The following MEGF6 variants were observed in gnomAD, a reference collection of about 807,000 sequenced individuals.
MEGF6 encodes multiple EGF like domains 6.
Under a neutral mutation model 207.1 loss-of-function variants are expected in MEGF6, and 184 were observed. The ratio of observed to expected loss-of-function variants is 0.89; its 90% CI spans 0.79 to 1.00. The LOEUF is 1.00. Ranked by LOEUF, MEGF6 falls within the 50% of genes least tolerant of loss-of-function variation. MEGF6 has a pLI of 0.00. For missense variants in MEGF6, 2,282 were observed against 2,202.9 expected, an observed-to-expected ratio of 1.04 and a Z score of -0.72; for synonymous variants, 1,038 against 910.0, an observed-to-expected ratio of 1.14 and a Z score of -2.53.
chr1:3,559,157 G>T (rs1643117751), intron 4 of MEGF6, among the ~76,000 whole-genome samples: 1 of 152,236 alleles, frequency 6.6e-6, no homozygotes, highest in South Asian at 2.1e-4. Flanking sequence ...CTGCAAGGTG[G>T]TTGGAGGAGG....
chr1:3,619,230 A>G, the MEGF6 span, among the ~76,000 whole-genome samples: 3 of 152,220 alleles, frequency 2.0e-5, no homozygotes, highest in Admixed American at 1.3e-4. Context: ...CAAAGCCCCA[A>G]GAAATACACA....
intron 26 of MEGF6, chr1:3,497,593 G>A (rs1416352447): frequency 5.8e-6 from 4 of 693,516 alleles, no homozygotes; most frequent in Non-Finnish European, 1.0e-5. Context: ...GCCCCTCACA[G>A]TGAGGCCCGA....
intron 26 of MEGF6, 65 bp from the exon 27 acceptor site, chr1:3,497,426 A>G: frequency 6.9e-7 from 1 of 1,458,162 alleles, no homozygotes; most frequent in Middle Eastern, 1.8e-4. Context: ...GGGCCAGGAC[A>G]GGCCGGGAGC....
chr1:3,559,855 C>CA (rs1241087571), intron 4 of MEGF6, among the ~76,000 whole-genome samples: 2 of 151,850 alleles, frequency 1.3e-5, no homozygotes, highest in Non-Finnish European at 2.9e-5. Flanking sequence ...ACTAAAAATA[C>CA]AAAAAATTAG....
At chr1:3,605,411 C>A (rs1402701511) in intron 1 of MEGF6, among the ~76,000 whole-genome samples, 1 of 151,930 alleles carries the variant, frequency 6.6e-6, no homozygotes, top group Non-Finnish European at 1.5e-5. Context: ...ATACACACAA[C>A]TCACAATCAC....
chr1:3,543,897 C>T (rs59176181), intron 4 of MEGF6, among the ~76,000 whole-genome samples: 18,215 of 152,280 alleles, frequency 0.12, 1,399 homozygotes, highest in African/African-American at 0.21. Flanking sequence ...ACCTGCCGTG[C>T]CTGGACGCCC....
intron 1 of MEGF6, among the ~76,000 whole-genome samples, chr1:3,605,872 C>G (rs1377994125): frequency 6.6e-6 from 1 of 152,216 alleles, no homozygotes; most frequent in East Asian, 1.9e-4. Flanking sequence ...CCCACTCTCT[C>G]CAGGTTCCAG....
rs958497569 is a variant in MEGF6, at chr1:3,605,668, TCACA to T, written c.132-3072_132-3069del. ...CTCTCACGCATGCAAGCTCACAAAC[TCACA>T]CACACTCGCACACACATATGCACTC... On this transcript the variant is annotated intron_variant, in intron 1 of 36. Transcript: ENST00000356575. Among the ~76,000 whole-genome samples the T allele has an allele frequency of 7.3e-3, 312 of 42,564 alleles. 2 individuals carry two copies. The highest frequency in any genetic ancestry group is 0.013 in the Middle Eastern group (1 of 80). 27.9% of individuals were successfully genotyped at this position (42,564 alleles called of 152,430 possible).
chr1:3,522,369 G>C (rs1242444717), intron 5 of MEGF6, among the ~76,000 whole-genome samples: 3 of 152,186 alleles, frequency 2.0e-5, no homozygotes, highest in African/African-American at 4.8e-5. Flanking sequence ...CACCCTGAGG[G>C]GGTGACAGCC....
At chr1:3,536,909 C>G (rs1642348255) in intron 4 of MEGF6, among the ~76,000 whole-genome samples, 1 of 152,272 alleles carries the variant, frequency 6.6e-6, no homozygotes, top group African/African-American at 2.4e-5. Context: ...CTGTGTGTGT[C>G]TGTCCCTCAG....
intron 3 of MEGF6, among the ~76,000 whole-genome samples, chr1:3,589,373 C>A (rs200077531): frequency 1.3e-5 from 2 of 152,114 alleles, no homozygotes; most frequent in East Asian, 1.9e-4. Flanking sequence ...CTGCGCCCCC[C>A]ACCCCACGCC....
intron 2 of MEGF6, among the ~76,000 whole-genome samples, chr1:3,599,745 C>T (rs575261812): frequency 1.1e-4 from 17 of 152,278 alleles, no homozygotes; most frequent in African/African-American, 3.1e-4. Flanking sequence ...GGTGCCCTGC[C>T]GGCCAGCACT....
In MEGF6 at chr1:3,526,998, C is replaced by T. The variant is rs953257103; in HGVS notation, c.482-2752G>A. ...ATATTATGATTTCAAAAGACAAGTC[C>T]TCGACCGTGTGGGAAACATGGCTGG... On this transcript the variant is annotated intron_variant, in intron 4 of 36. Transcript: ENST00000356575. 1.3e-5 allele frequency among the ~76,000 whole-genome samples: 2 copies of T among 152,198 alleles called. 1 individual carries two copies. The highest frequency in any genetic ancestry group is 2.9e-5 in the Non-Finnish European group (2 of 68,038).
In MEGF6 at chr1:3,524,155, G is replaced by C. The variant is rs536463101; in HGVS notation, c.573C>G (p.Phe191Leu). The C allele has an allele frequency of 3.1e-6, 5 of 1,612,830 alleles. No homozygotes were observed. The South Asian group carries it at 5.5e-5, about 18-fold the overall frequency. Residue 191 changes from phenylalanine to leucine, a missense_variant, in exon 5 of 37, where the codon TTC becomes TTG. Transcript: ENST00000356575. ...AGGTCCTGCTGTCAGTGTGGAGCCGGAAGCCGGGCTTGCACTCACAGAGGT... is the reference window on the plus strand; with the variant it reads ...AGGTCCTGCTGTCAGTGTGGAGCCGCAAGCCGGGCTTGCACTCACAGAGGT... ...GSYLCECKPG[F>L]RLHTDSRTCL...
intron 4 of MEGF6, among the ~76,000 whole-genome samples, chr1:3,576,907 C>A (rs548391142): frequency 6.7e-6 from 1 of 148,618 alleles, no homozygotes; most frequent in South Asian, 2.2e-4. Context: ...TCCACCCCTG[C>A]ACACCTGGCC....
the MEGF6 span, among the ~76,000 whole-genome samples, chr1:3,619,799 G>A: frequency 1.1e-4 from 17 of 152,166 alleles, no homozygotes; most frequent in African/African-American, 4.1e-4. Context: ...CAGGATAGTG[G>A]GCACTGATAT....
intron 21 of MEGF6, 133 bp downstream of exon 21, chr1:3,500,500 G>C: frequency 4.6e-6 from 6 of 1,302,682 alleles, no homozygotes; most frequent in Non-Finnish European, 6.2e-6. Context: ...CACAGGAGGG[G>C]GCGCGGCCAA....
At chr1:3,514,794 T>TG in intron 6 of MEGF6, 122 bp from the exon 7 acceptor site, 1 of 1,172,782 alleles carries the variant, frequency 8.5e-7, no homozygotes, top group Non-Finnish European at 1.2e-6. Context: ...TGCTCCAGGC[T>TG]GATGGGCTGG....
At chr1:3,516,537 C>T (rs1641547847) in intron 5 of MEGF6, among the ~76,000 whole-genome samples, 1 of 152,214 alleles carries the variant, frequency 6.6e-6, no homozygotes, top group South Asian at 2.1e-4. Context: ...GATGCCGCCT[C>T]CTCTGGGGCA....
Sources: gnomAD v4.1 joint callset for allele counts (sites outside exome capture counted in the v4.1 genomes callset) on GRCh38, gnomAD v4.1.1 for gene constraint, MANE v1.5 for transcripts, NCBI Gene and HGNC (gene_info 2026-07-23, HGNC 2026-07-21) for gene names.